RBFOX3: variants seen among roughly 807,000 people sequenced by gnomAD.
RBFOX3 encodes RNA binding fox-1 homolog 3.
Under a neutral mutation model 48.7 loss-of-function variants are expected in RBFOX3, and 17 were observed. That is an observed-to-expected ratio of 0.35 (90% CI 0.24 to 0.52). The LOEUF (loss-of-function observed/expected upper bound fraction) is 0.52. Ranked by LOEUF, RBFOX3 falls within the 20% of genes least tolerant of loss-of-function variation. The probability of loss-of-function intolerance (pLI) is 0.94; values close to 1 mark genes in which losing one functional copy is unlikely to be tolerated. For synonymous variants in RBFOX3, 212 were observed against 209.5 expected (o/e 1.01, Z -0.10); for missense variants, 382 against 497.5 (o/e 0.77, Z 2.21).
chr17:79,171,786 T>C (rs2145760982), intron 4 of RBFOX3, among the ~76,000 whole-genome samples: 1 of 151,374 alleles, frequency 6.6e-6, no homozygotes, highest in Middle Eastern at 3.4e-3. Context: ...CAACTCAACC[T>C]CCCAAAGTGC....
chr17:79,157,101 C>T (rs2145132551), intron 4 of RBFOX3, among the ~76,000 whole-genome samples: 1 of 152,300 alleles, frequency 6.6e-6, no homozygotes, highest in Admixed American at 6.5e-5. Flanking sequence ...TGGAGGGCCC[C>T]CAGAGACTCA....
At chr17:79,122,888 GC>G (rs2036139063) in intron 4 of RBFOX3, among the ~76,000 whole-genome samples, 1 of 152,174 alleles carries the variant, frequency 6.6e-6, no homozygotes, top group East Asian at 1.9e-4. Context: ...AAAAATGAGG[GC>G]CTGTCATTTT....
the RBFOX3 span, among the ~76,000 whole-genome samples, chr17:79,632,998 C>A: frequency 1.3e-5 from 2 of 152,300 alleles, no homozygotes; most frequent in East Asian, 3.9e-4. Context: ...CCTGAGATAC[C>A]CAAGTTTGGA....
intron 1 of RBFOX3, among the ~76,000 whole-genome samples, chr17:79,609,276 A>C (rs963165614): frequency 6.6e-6 from 1 of 152,188 alleles, no homozygotes; most frequent in Middle Eastern, 3.4e-3. Context: ...CCACTCCATT[A>C]GCCTCCTACC....
chr17:79,401,855 G>A (rs974454044), intron 2 of RBFOX3, among the ~76,000 whole-genome samples: 7 of 152,214 alleles, frequency 4.6e-5, no homozygotes, highest in Non-Finnish European at 5.9e-5. Context: ...GAGGGAGCGC[G>A]GCCCTGCCTT....
intron 2 of RBFOX3, among the ~76,000 whole-genome samples, chr17:79,338,596 G>A (rs2081564219): frequency 6.6e-6 from 1 of 152,152 alleles, no homozygotes; most frequent in Non-Finnish European, 1.5e-5. Context: ...CCTGTCATCT[G>A]CATTGGTTTT....
chr17:79,652,274 A>G, the RBFOX3 span, among the ~76,000 whole-genome samples: 2 of 152,172 alleles, frequency 1.3e-5, no homozygotes, highest in African/African-American at 4.8e-5. Context: ...TCCATGAAAC[A>G]AGAAGAAATA....
At position 79,486,185 on chromosome 17, in the gene RBFOX3, G is replaced by A. The variant is rs376555342; in HGVS notation, c.-319-3587C>T. Among the ~76,000 whole-genome samples, 434 of 152,224 alleles carry A rather than the reference G, an allele frequency of 2.9e-3. 2 individuals are homozygous for A. The East Asian group carries it at 0.038, about 13-fold the overall frequency. On this transcript the variant is annotated intron_variant, in intron 1 of 14. Transcript: ENST00000693108. ...CCCGCAGCCCGGCAGGGTTGGGAGC[G>A]TAGTTGGGGGCTGGGCTGGGCTGCA...
intron 4 of RBFOX3, among the ~76,000 whole-genome samples, chr17:79,218,652 AG>A (rs2059357056): frequency 6.6e-6 from 1 of 152,154 alleles, no homozygotes; most frequent in African/African-American, 2.4e-5. Flanking sequence ...ACGCCAGGTC[AG>A]GGCCGGGAGC....
intron 3 of RBFOX3, among the ~76,000 whole-genome samples, chr17:79,293,962 G>A (rs2073891587): frequency 6.6e-6 from 1 of 152,220 alleles, no homozygotes; most frequent in Non-Finnish European, 1.5e-5. Flanking sequence ...AAGAGCCTCG[G>A]CCAGCATGGG....
intron 1 of RBFOX3, among the ~76,000 whole-genome samples, chr17:79,513,885 T>G (rs1244665397): frequency 6.6e-6 from 1 of 152,198 alleles, no homozygotes; most frequent in Non-Finnish European, 1.5e-5. Context: ...GGCCTGCCCC[T>G]GCACATCTGG....
intron 4 of RBFOX3, among the ~76,000 whole-genome samples, chr17:79,218,057 C>A (rs1465624857): frequency 1.3e-5 from 2 of 152,024 alleles, no homozygotes; most frequent in Non-Finnish European, 2.9e-5. Flanking sequence ...GAGCTGGGGT[C>A]AGGTGGACGG....
chr17:79,326,217 A>G (rs1246450515), intron 2 of RBFOX3, among the ~76,000 whole-genome samples: 1 of 152,196 alleles, frequency 6.6e-6, no homozygotes, highest in African/African-American at 2.4e-5. Context: ...CTGCCAAAGC[A>G]GGCTTCCCAT....
At chr17:79,483,339 G>A (rs1453727773) in intron 1 of RBFOX3, among the ~76,000 whole-genome samples, 2 of 151,202 alleles carry the variant, frequency 1.3e-5, no homozygotes, top group Non-Finnish European at 3.0e-5. Context: ...CTGGCTTCCT[G>A]GCCATCCCTC....
At chr17:79,459,776 A>T (rs2075129087) in intron 2 of RBFOX3, among the ~76,000 whole-genome samples, 1 of 152,132 alleles carries the variant, frequency 6.6e-6, no homozygotes. Context: ...GGGATTTAAG[A>T]GTGAGGGGTA....
intron 3 of RBFOX3, among the ~76,000 whole-genome samples, chr17:79,279,310 T>C (rs1301672591): frequency 6.6e-6 from 1 of 152,204 alleles, no homozygotes; most frequent in African/African-American, 2.4e-5. Context: ...TCGATATTTA[T>C]ACTGACAGGG....
chr17:79,309,678 T>G (rs2076576654), intron 2 of RBFOX3, among the ~76,000 whole-genome samples: 1 of 152,138 alleles, frequency 6.6e-6, no homozygotes, highest in African/African-American at 2.4e-5. Flanking sequence ...GTAATCCCCA[T>G]GTGTTGAGGG....
At chr17:79,168,357 T>C (rs752621540) in intron 4 of RBFOX3, among the ~76,000 whole-genome samples, 15 of 152,264 alleles carry the variant, frequency 9.9e-5, no homozygotes, top group Non-Finnish European at 1.9e-4. Flanking sequence ...TGCCTGAGTA[T>C]GGGTTTAAAT....
At chr17:79,455,621 G>A (rs1318904173) in intron 2 of RBFOX3, among the ~76,000 whole-genome samples, 3 of 152,034 alleles carry the variant, frequency 2.0e-5, no homozygotes, top group African/African-American at 7.2e-5. Context: ...ACTCACATGC[G>A]CACACGTTCA....
Sources: gnomAD v4.1 joint callset for allele counts (sites outside exome capture counted in the v4.1 genomes callset) on GRCh38, gnomAD v4.1.1 for gene constraint, MANE v1.5 for transcripts, NCBI Gene and HGNC (gene_info 2026-07-23, HGNC 2026-07-21) for gene names.